The following COL7A1 variants were observed in gnomAD, a reference collection of about 807,000 sequenced individuals.
The protein encoded by COL7A1 is collagen alpha-1(VII) chain.
In COL7A1, 296 loss-of-function variants were observed where a neutral mutation model predicts 456.2. That is an observed-to-expected ratio of 0.65 (90% CI 0.59 to 0.71). The LOEUF is 0.71. COL7A1 is among the 30% of genes least tolerant of loss of function. The probability of loss-of-function intolerance (pLI) is 0.00; values close to 1 mark genes in which losing one functional copy is unlikely to be tolerated. For synonymous variants in COL7A1, 1,464 were observed against 1,525.9 expected (o/e 0.96, Z 0.95); for missense variants, 3,441 against 4,017.2 (o/e 0.86, Z 3.88).
rs1335724138 is a variant in COL7A1 at position 48,579,744 on chromosome 3, C to T, written c.5154+41G>A. ...CCAAGGTAGAACCTGCTGGGAGGGG[C>T]ACTGGGGTCTTTCTTACCCTCCACC... On this transcript the variant is annotated intron_variant, in intron 58 of 118. Transcript: ENST00000681320. The surrounding 1 kb of genome is among the most constrained non-coding windows in gnomAD (Gnocchi z 4.4). 2 of 1,613,836 alleles carry T rather than the reference C, an allele frequency of 1.2e-6. No individual in the cohort carries two copies. The highest frequency in any genetic ancestry group is 2.7e-5 in the African/African-American group (2 of 74,922).
rs2043791236 is a variant in COL7A1, at chr3:48,569,732, C to G, written c.7550G>C (p.Gly2517Ala). The part of the protein sequence containing the change: ...KGDVGSAGLK[G>A]DKGDSAVILG... ...CCCCATGCCCACACTCACCTTGTCACCCTTTAGTCCTGCACTCCCAACATC... is the reference window on the plus strand; with the variant it reads ...CCCCATGCCCACACTCACCTTGTCAGCCTTTAGTCCTGCACTCCCAACATC... Residue 2517 changes from glycine (G) to alanine (A), a missense_variant, in exon 101 of 119, where the codon GGT becomes GCT. Physicochemically the swap from Gly to Ala is moderately conservative, Grantham distance 60 (BLOSUM62 0). Around this residue, in one of 3 missense-constraint regions of COL7A1, gnomAD observed 2,084 missense variants for 2,501.3 expected, o/e 0.83. Transcript: ENST00000681320. This position sits in a 1 kb window ranked among gnomAD's most constrained non-coding sequence, Gnocchi z 4.9. 6.2e-7 allele frequency: 1 copy of G among 1,614,062 alleles called. No homozygotes were observed. Among genetic ancestry groups the G allele is most frequent in the African/African-American group, 1.3e-5 (1 of 74,934 alleles).
chr3:48,592,170 T>C lies in COL7A1; in HGVS notation c.1172A>G (p.Tyr391Cys), dbSNP rs772240998. 1.2e-5 allele frequency: 20 copies of C among 1,614,090 alleles called. No individual in the cohort carries two copies. Among genetic ancestry groups the C allele is most frequent in the South Asian group, 7.7e-5 (7 of 91,086 alleles). Reference protein sequence around the residue: ...LLRDLEPGTDYEVTVSTLFGR... With the variant: ...LLRDLEPGTDCEVTVSTLFGR... Reference sequence around the variant, plus strand: ...AAATAGGGTGCTCACGGTCACCTCATAGTCCGTGCCAGGCTCCAAGTCACG... The same window carrying C: ...AAATAGGGTGCTCACGGTCACCTCACAGTCCGTGCCAGGCTCCAAGTCACG... The change falls in exon 10 of 119, where the codon TAT becomes TGT. Residue 391 changes from tyrosine to cysteine, a missense_variant. Transcript: ENST00000681320. This position sits in a 1 kb window ranked among gnomAD's most constrained non-coding sequence, Gnocchi z 7.6.
chr3:48,584,583 G>C (rs1560244094), intron 35 of COL7A1, 27 bp from the exon 36 acceptor site: 2 of 1,613,906 alleles, frequency 1.2e-6, no homozygotes, highest in Non-Finnish European at 1.7e-6. Context: ...CAGTGGGCAG[G>C]ATTCAGGCTA....
chr3:48,568,858 G>T lies in COL7A1; in HGVS notation c.7687-3C>A. The stretch of plus-strand genomic sequence containing the variant: ...TCACCAGGCTCTCCCTTGCTGCCCT[G>T]TGGGAGTGACCAGGAGAGGGATTCA... On this transcript the variant is annotated splice_region_variant and splice_polypyrimidine_tract_variant and intron_variant, in intron 103 of 118. Transcript: ENST00000681320. This position sits in a 1 kb window ranked among gnomAD's most constrained non-coding sequence, Gnocchi z 5.2. 1 of 1,572,784 alleles carries T rather than the reference G, an allele frequency of 6.4e-7. No homozygotes were observed.
At position 48,579,147 on chromosome 3, in the gene COL7A1, T is replaced by C. The variant is rs548449401; in HGVS notation, c.5388+50A>G. Reference sequence around the variant, plus strand: ...ATGAGGCTGGGGTCTAGGGTCCTCATGTGAAGGGGTAGGGGAAGGGGACAA... The same window carrying C: ...ATGAGGCTGGGGTCTAGGGTCCTCACGTGAAGGGGTAGGGGAAGGGGACAA... On this transcript the variant is annotated intron_variant, in intron 62 of 118. Transcript: ENST00000681320. The surrounding 1 kb of genome is among the most constrained non-coding windows in gnomAD (Gnocchi z 4.4). 4.4e-6 allele frequency: 7 copies of C among 1,600,548 alleles called. No individual in the cohort carries two copies. In the African/African-American group the frequency reaches 6.7e-5, roughly 15 times the overall value.
At position 48,574,161 on chromosome 3, in the gene COL7A1, G is replaced by C. The variant is rs1354998210; in HGVS notation, c.6501+101C>G. 4 of 1,443,298 alleles carry C rather than the reference G, an allele frequency of 2.8e-6. No homozygotes were observed. The African/African-American group carries it at 5.6e-5, about 20-fold the overall frequency. 89.4% of individuals were successfully genotyped at this position (1,443,298 alleles called of 1,614,324 possible). On this transcript the variant is annotated intron_variant, in intron 80 of 118. Coordinates refer to ENST00000681320, the MANE Select transcript of COL7A1 (RefSeq NM_000094.4). The surrounding 1 kb of genome is among the most constrained non-coding windows in gnomAD (Gnocchi z 5.0). ...CACACAGAGAGGCACACAGACACAG[G>C]TACACACAAACACACACACACAGAC...
rs1803298 is a variant in COL7A1 at position 48,564,190 on chromosome 3, C to T, written c.*216G>A. 1.1e-4 allele frequency: 68 copies of T among 645,174 alleles called. No homozygotes were observed. The highest frequency in any genetic ancestry group is 1.7e-4 in the Non-Finnish European group (61 of 355,786). 40.0% of individuals were successfully genotyped at this position (645,174 alleles called of 1,614,324 possible). A position where few individuals can be genotyped will look rare whatever the true frequency, so the allele number is the denominator to read the frequency against. On this transcript the variant is annotated 3_prime_UTR_variant, in exon 119 of 119. Transcript: ENST00000681320. The surrounding 1 kb of genome is among the most constrained non-coding windows in gnomAD (Gnocchi z 6.0). ...CGCTCACTGCCCACAGCCACCCCCC[C>T]ACAGTGAGTCATCTGCCAGGGTGGC...
rs564293092 is a variant in COL7A1, at chr3:48,568,007, C to A, written c.7875+83G>T. Reference sequence around the variant, plus strand: ...AGCTACTCCAACCTCTGACCCAGTGCCCTAATATCTGACCCCAGGTCCCTC... The same window carrying A: ...AGCTACTCCAACCTCTGACCCAGTGACCTAATATCTGACCCCAGGTCCCTC... On this transcript the variant is annotated intron_variant, in intron 106 of 118. Transcript: ENST00000681320. The surrounding 1 kb of genome is among the most constrained non-coding windows in gnomAD (Gnocchi z 5.2). The A allele has an allele frequency of 6.3e-7, 1 of 1,598,728 alleles. No homozygotes were observed. The highest frequency in any genetic ancestry group is 1.7e-5 in the Admixed American group (1 of 59,882).
Position 48,569,298 on chromosome 3 carries a change from C to G in COL7A1, c.7686+77G>C. On this transcript the variant is annotated intron_variant, in intron 103 of 118. Transcript: ENST00000681320. This position sits in a 1 kb window ranked among gnomAD's most constrained non-coding sequence, Gnocchi z 4.9. ...CCAGAAAGCCTCCTCCTGTCCTCCC[C>G]TCCTGCCCTCACAGATGCTGTGGAA... The G allele has an allele frequency of 1.3e-6, 2 of 1,560,236 alleles. No homozygotes were observed. Among genetic ancestry groups the G allele is most frequent in the South Asian group, 2.2e-5 (2 of 90,002 alleles).
chr3:48,569,631 G>A lies in COL7A1; in HGVS notation c.7575C>T (p.Ile2525=). Residue 2525 remains isoleucine, a synonymous_variant, in exon 102 of 119, where the codon ATC becomes ATT. Transcript: ENST00000681320. This position sits in a 1 kb window ranked among gnomAD's most constrained non-coding sequence, Gnocchi z 4.9. ...LKGDKGDSAV[I]LGPPGPRGAK... Reference sequence around the variant, plus strand: ...CACCCCGTGGGCCTGGAGGCCCCAGGATCACAGCTGAGTCTCCCTGAGGGG... The same window carrying A: ...CACCCCGTGGGCCTGGAGGCCCCAGAATCACAGCTGAGTCTCCCTGAGGGG... The A allele has an allele frequency of 1.2e-6, 2 of 1,613,804 alleles. No homozygotes were observed. Among genetic ancestry groups the A allele is most frequent in the Non-Finnish European group, 1.7e-6 (2 of 1,179,876 alleles).
At position 48,589,709 on chromosome 3, in the gene COL7A1, C is replaced by A; in HGVS notation, c.2060G>T (p.Gly687Val). The change falls in exon 17 of 119, where the codon GGC (glycine) becomes GTC (valine). Residue 687 changes from glycine to valine, a missense_variant. Gly to Val is a moderately radical substitution (Grantham distance 109). Transcript: ENST00000681320. ...AGTCACATGGACCGTCCTCACTGGG[C>A]CCAGTGGGTCTAGTGGGGAGAGGCA... The part of the protein sequence containing the change: ...AVIVARTDPL[G>V]PVRTVHVTQA... 6.2e-7 allele frequency: 1 copy of A among 1,614,026 alleles called. No homozygotes were observed. Among genetic ancestry groups the A allele is most frequent in the Non-Finnish European group, 8.5e-7 (1 of 1,180,014 alleles).
In COL7A1 at chr3:48,571,548, T is replaced by A. The variant is rs2043919823; in HGVS notation, c.7069-270A>T. 1 of 692,582 alleles carries A rather than the reference T, an allele frequency of 1.4e-6. No homozygotes were observed. The highest frequency in any genetic ancestry group is 2.7e-6 in the Non-Finnish European group (1 of 369,862). The allele number at this position is 692,582 out of a possible 1,614,324, so 42.9% of individuals were successfully genotyped here. The stretch of plus-strand genomic sequence containing the variant: ...GGGAGCCCACACGCGAGTGCAGACA[T>A]CTGGCTCCACAGACGTGAGTGCGGA... On this transcript the variant is annotated intron_variant, in intron 92 of 118. Coordinates refer to ENST00000681320, the MANE Select transcript of COL7A1 (RefSeq NM_000094.4). The surrounding 1 kb of genome is among the most constrained non-coding windows in gnomAD (Gnocchi z 4.6).
rs1447488928 is a variant in COL7A1 at position 48,574,786 on chromosome 3, C to T, written c.6348+11G>A. The T allele has an allele frequency of 6.2e-7, 1 of 1,613,882 alleles. No individual in the cohort carries two copies. The highest frequency in any genetic ancestry group is 8.5e-7 in the Non-Finnish European group (1 of 1,180,024). ...GCAGAGGGTGGCCCCGAGCTGATTC[C>T]ACACACTGACCTTAGCACCCTTGAG... On this transcript the variant is annotated intron_variant, in intron 77 of 118. Coordinates refer to ENST00000681320, the MANE Select transcript of COL7A1 (RefSeq NM_000094.4). The surrounding 1 kb of genome is among the most constrained non-coding windows in gnomAD (Gnocchi z 5.0).
rs1559421201 is a variant in COL7A1 at position 48,586,737 on chromosome 3, A to AT, written c.3277-49dup. ...GCCTGAGGAGGATGACAGAGCAGGGATGGGGGTGCACAGAGCCTGGAGAAA... is the reference window on the plus strand; with the variant it reads ...GCCTGAGGAGGATGACAGAGCAGGGATTGGGGGTGCACAGAGCCTGGAGAAA... On this transcript the variant is annotated intron_variant, in intron 25 of 118. Transcript: ENST00000681320. This position sits in a 1 kb window ranked among gnomAD's most constrained non-coding sequence, Gnocchi z 5.1. 1.3e-6 allele frequency: 2 copies of AT among 1,551,664 alleles called. No homozygotes were observed. The highest frequency in any genetic ancestry group is 2.7e-5 in the African/African-American group (2 of 73,122).
In COL7A1 at chr3:48,585,180, G is replaced by A. The variant is rs1308679939; in HGVS notation, c.3895-64C>T. 2.0e-6 allele frequency: 3 copies of A among 1,537,588 alleles called. No individual in the cohort carries two copies. Among genetic ancestry groups the A allele is most frequent in the African/African-American group, 1.4e-5 (1 of 73,156 alleles). The stretch of plus-strand genomic sequence containing the variant: ...CCCCAAGGCCCCTGGTTTGCTGGAG[G>A]GGCCTCACCCCATCAACAAGGGGTC... On this transcript the variant is annotated intron_variant, in intron 32 of 118. Transcript: ENST00000681320. The surrounding 1 kb of genome is among the most constrained non-coding windows in gnomAD (Gnocchi z 4.5).
At position 48,574,830 on chromosome 3, in the gene COL7A1, T is replaced by C; in HGVS notation, c.6315A>G (p.Gly2105=). The C allele has an allele frequency of 6.2e-7, 1 of 1,613,778 alleles. No individual in the cohort carries two copies. The highest frequency in any genetic ancestry group is 1.1e-5 in the South Asian group (1 of 91,082). ...SVDEPGPGLS[G]EQGPPGLKGA... is the part of the protein sequence containing the mutation. ...CCTTGAGTCCAGGGGGTCCCTGTTC[T>C]CCAGAGAGTCCAGGACCTGGCTCAT... The change falls in exon 77 of 119, where the codon GGA becomes GGG. Residue 2105 remains glycine (G), a synonymous_variant. Transcript: ENST00000681320. The surrounding 1 kb of genome is among the most constrained non-coding windows in gnomAD (Gnocchi z 5.0).
In COL7A1 at chr3:48,573,543, A is replaced by C. The variant is rs1285181112; in HGVS notation, c.6588T>G (p.Pro2196=). 2 of 1,614,118 alleles carry C rather than the reference A, an allele frequency of 1.2e-6. No homozygotes were observed. Among genetic ancestry groups the C allele is most frequent in the Non-Finnish European group, 1.7e-6 (2 of 1,180,012 alleles). The stretch of plus-strand genomic sequence containing the variant: ...GGCCAGAAGGTCCTTGGGGTCCTGC[A>C]GGGCCAGCAAGACCCTAGAGAAAAG... ...GPPGAPGLAG[P]AGPQGPSGLK... The change falls in exon 83 of 119, where the codon CCT becomes CCG. Residue 2196 remains proline, a synonymous_variant. Coordinates refer to ENST00000681320, the MANE Select transcript of COL7A1 (RefSeq NM_000094.4). The surrounding 1 kb of genome is among the most constrained non-coding windows in gnomAD (Gnocchi z 5.5).
Position 48,567,662 on chromosome 3 carries a change from G to T in COL7A1, c.7984-26C>A. 1 of 1,613,968 alleles carries T rather than the reference G, an allele frequency of 6.2e-7. No homozygotes were observed. Among genetic ancestry groups the T allele is most frequent in the East Asian group, 2.2e-5 (1 of 44,872 alleles). On this transcript the variant is annotated intron_variant, in intron 108 of 118. Transcript: ENST00000681320. This position sits in a 1 kb window ranked among gnomAD's most constrained non-coding sequence, Gnocchi z 4.3. ...CTGGAGAAAAAAAGACATGAACTTG[G>T]CCCCCGTCCACCCGTGGCCCCCTCA...
In COL7A1 at chr3:48,566,134, C is replaced by T. The variant is rs2043594243; in HGVS notation, c.8407+133G>A. 23 of 946,008 alleles carry T rather than the reference C, an allele frequency of 2.4e-5. No individual in the cohort carries two copies. The highest frequency in any genetic ancestry group is 2.8e-4 in the Middle Eastern group (1 of 3,556). The allele number at this position is 946,008 out of a possible 1,614,324, so 58.6% of individuals were successfully genotyped here. A position where few individuals can be genotyped will look rare whatever the true frequency, so the allele number is the denominator to read the frequency against. ...CACATGTCATGTGTCAGTCCTGCAGCACATGTGTCCTTCTGTGTATCCATC... is the reference window on the plus strand; with the variant it reads ...CACATGTCATGTGTCAGTCCTGCAGTACATGTGTCCTTCTGTGTATCCATC... On this transcript the variant is annotated intron_variant, in intron 114 of 118. Coordinates refer to ENST00000681320, the MANE Select transcript of COL7A1 (RefSeq NM_000094.4). The surrounding 1 kb of genome is among the most constrained non-coding windows in gnomAD (Gnocchi z 5.9).
Sources: gnomAD v4.1 joint callset for allele counts on GRCh38, gnomAD v4.1.1 for gene constraint, gnomAD v4.1.1 regional missense constraint, Gnocchi (gnomAD v3.1) non-coding constraint, MANE v1.5 for transcripts, NCBI Gene and HGNC (gene_info 2026-07-23, HGNC 2026-07-21) for gene names.